The following SSC5D variants were observed in gnomAD, a reference collection of about 807,000 sequenced individuals.
SSC5D encodes soluble scavenger receptor cysteine-rich domain-containing protein SSC5D.
SSC5D carries 106 observed loss-of-function variants against 104.6 expected under a neutral mutation model. The observed-to-expected ratio is 1.01, with a 90% confidence interval of 0.87 to 1.19. SSC5D has a LOEUF of 1.19. Ranked by LOEUF, SSC5D falls within the 50% of genes most tolerant of loss-of-function variation. The pLI is 0.00. For missense variants in SSC5D, 1,993 were observed against 2,153.8 expected (o/e 0.93, Z 1.48); for synonymous variants, 860 against 883.5 (o/e 0.97, Z 0.47).
chr19:55,513,263 C>T, intron 13 of SSC5D, 91 bp downstream of exon 13: 2 of 1,287,526 alleles, frequency 1.6e-6, no homozygotes, highest in South Asian at 1.6e-5. Flanking sequence ...AACCCTTACC[C>T]CAGAAAGACT....
In SSC5D at chr19:55,491,025, C is replaced by A. The variant is rs202075384; in HGVS notation, c.840C>A (p.Ser280Arg). 2.9e-4 allele frequency: 453 copies of A among 1,550,224 alleles called. 2 individuals are homozygous for A. The highest frequency in any genetic ancestry group is 1.2e-3 in the Middle Eastern group (7 of 5,988). ...AGGCCCTCCGAGACTGCCCCCGAAG[C>A]CCCTGGGGCCGGAGCAACTGTGACC... is the stretch of plus-strand genomic sequence containing the variant. ...GEQALRDCPR[S>R]PWGRSNCDHS... Residue 280 changes from serine (S) to arginine (R), a missense_variant, in exon 6 of 14, where the codon AGC becomes AGA. Around this residue, in one of 6 missense-constraint regions of SSC5D, gnomAD observed 1,101 missense variants for 1,085.0 expected, o/e 1.01. Transcript: ENST00000389623.
At chr19:55,488,657 C>G (rs1987022368) in intron 1 of SSC5D, 43 bp downstream of exon 1, 2 of 1,528,712 alleles carry the variant, frequency 1.3e-6, no homozygotes, top group Non-Finnish European at 1.8e-6. Flanking sequence ...GGCCTAGGCC[C>G]CCACCTCTGA....
At chr19:55,498,296 C>A in intron 9 of SSC5D, 99 bp downstream of exon 9, 1 of 1,304,890 alleles carries the variant, frequency 7.7e-7, no homozygotes, top group Admixed American at 2.1e-5. Flanking sequence ...TTCCTAAGCC[C>A]CAGCCCTGTG....
At position 55,500,194 on chromosome 19, in the gene SSC5D, A is replaced by T. The variant is rs1410074208; in HGVS notation, c.2084A>T (p.His695Leu). 1.9e-6 allele frequency: 3 copies of T among 1,551,168 alleles called. No homozygotes were observed. Among genetic ancestry groups the T allele is most frequent in the Non-Finnish European group, 2.6e-6 (3 of 1,146,900 alleles). Reference sequence around the variant, plus strand: ...GAGGCCCCCCAGAGATGGACCTCTCACACCACTGCCACGCTGACCCCTCAG... The same window carrying T: ...GAGGCCCCCCAGAGATGGACCTCTCTCACCACTGCCACGCTGACCCCTCAG... Reference protein sequence around the residue: ...TTEAPQRWTSHTTATLTPQAP... With the variant: ...TTEAPQRWTSLTTATLTPQAP... The change falls in exon 10 of 14, where the codon CAC (histidine) becomes CTC (leucine). Residue 695 changes from histidine to leucine, a missense_variant. Physicochemically the swap from His to Leu is moderately conservative, Grantham distance 99. This residue lies in a region of SSC5D where 1,101 missense variants were observed against 1,085.0 expected (regional missense o/e 1.01). Transcript: ENST00000389623. The surrounding 1 kb of genome is among the most constrained non-coding windows in gnomAD (Gnocchi z 4.6).
chr19:55,490,326 C>A lies in SSC5D; in HGVS notation c.504C>A (p.Asn168Lys). 1.4e-6 allele frequency: 2 copies of A among 1,468,846 alleles called. No homozygotes were observed. The highest frequency in any genetic ancestry group is 1.9e-6 in the Non-Finnish European group (2 of 1,076,182). The allele number at this position is 1,468,846 out of a possible 1,614,324, so 91.0% of individuals were successfully genotyped here. A position where few individuals can be genotyped will look rare whatever the true frequency, so the allele number is the denominator to read the frequency against. ...HAPRPAGNPQNASRKKSPRPK... is the reference protein window; with the variant it reads ...HAPRPAGNPQKASRKKSPRPK... ...CCCGCCCAGCTGGGAACCCCCAGAA[C>A]GCCTCCCGGAAGAAGAGCCCCCGGC... is the stretch of plus-strand genomic sequence containing the variant. Residue 168 changes from asparagine (N) to lysine (K), a missense_variant, in exon 5 of 14, where the codon AAC becomes AAA. Physicochemically the swap from Asn to Lys is moderately conservative, Grantham distance 94. This residue lies in a region of SSC5D where 1,101 missense variants were observed against 1,085.0 expected (regional missense o/e 1.01). Coordinates refer to ENST00000389623, the MANE Select transcript of SSC5D (RefSeq NM_001144950.2).
In SSC5D at chr19:55,493,613, G is replaced by A. The variant is rs990320096; in HGVS notation, c.914G>A (p.Arg305His). The change falls in exon 7 of 14, where the codon CGC (arginine) becomes CAC (histidine). Residue 305 changes from arginine to histidine, a missense_variant. By Grantham distance (29) the Arg-to-His change is conservative (BLOSUM62 0). Transcript: ENST00000389623. ...LVCTGPAPRLRLADGPHGCAG... is the reference protein window; with the variant it reads ...LVCTGPAPRLHLADGPHGCAG... ...TATCCAGGCCCAGCACCTCGGCTGC[G>A]CCTGGCCGATGGCCCCCACGGGTGC... The A allele has an allele frequency of 1.1e-4, 155 of 1,467,318 alleles. No homozygotes were observed. Among genetic ancestry groups the A allele is most frequent in the Admixed American group, 1.8e-4 (7 of 37,914 alleles). The allele number at this position is 1,467,318 out of a possible 1,614,324, so 90.9% of individuals were successfully genotyped here.
chr19:55,519,029 C>G lies in SSC5D; in HGVS notation c.*31C>G, dbSNP rs1987963656. The G allele has an allele frequency of 6.6e-7, 1 of 1,514,406 alleles. No individual in the cohort carries two copies. The highest frequency in any genetic ancestry group is 8.8e-7 in the Non-Finnish European group (1 of 1,134,940). 93.8% of individuals were successfully genotyped at this position (1,514,406 alleles called of 1,614,324 possible). ...TCCAGGATTTGAGGGGCTTAAGACA[C>G]CCCCAACCAAAAAAAACAAAAACAA... On this transcript the variant is annotated 3_prime_UTR_variant, in exon 14 of 14. Coordinates refer to ENST00000389623, the MANE Select transcript of SSC5D (RefSeq NM_001144950.2).
At position 55,501,181 on chromosome 19, in the gene SSC5D, T is replaced by A; in HGVS notation, c.2765T>A (p.Ile922Lys). ...CGCCCGGGTAGCTCCTCCCCAGCAA[T>A]AAGGCGCCTGCCGGACACAGGTGAG... ...TRRPGSSSPA[I>K]RRLPDTGSKD... The change falls in exon 12 of 14, where the codon ATA becomes AAA. Residue 922 changes from isoleucine (I) to lysine (K), a missense_variant. Transcript: ENST00000389623. 6.5e-7 allele frequency: 1 copy of A among 1,537,300 alleles called. No individual in the cohort carries two copies. The highest frequency in any genetic ancestry group is 8.8e-7 in the Non-Finnish European group (1 of 1,140,962).
intron 13 of SSC5D, among the ~76,000 whole-genome samples, chr19:55,515,038 C>A (rs763099904): frequency 2.0e-5 from 3 of 152,112 alleles, no homozygotes; most frequent in African/African-American, 7.2e-5. Context: ...GGAAGGGATG[C>A]GCCTGAAAGA....
chr19:55,518,182 C>T lies in SSC5D; in HGVS notation c.3906C>T (p.Thr1302=). ...ACCCCACCACAACCCCTCACCCCAC[C>T]ATGACTCCTGACCCCACCACGACCC... ...TPHPTTTPHP[T]MTPDPTTTPY... The change falls in exon 14 of 14, where the codon ACC becomes ACT. Residue 1302 remains threonine (T), a synonymous_variant. Transcript: ENST00000389623. 6.9e-7 allele frequency: 1 copy of T among 1,451,334 alleles called. No homozygotes were observed. Among genetic ancestry groups the T allele is most frequent in the South Asian group, 1.3e-5 (1 of 79,366 alleles). 89.9% of individuals were successfully genotyped at this position (1,451,334 alleles called of 1,614,324 possible).
chr19:55,518,540 C>G lies in SSC5D; in HGVS notation c.4264C>G (p.Pro1422Ala). 1.3e-6 allele frequency: 2 copies of G among 1,549,524 alleles called. No homozygotes were observed. The highest frequency in any genetic ancestry group is 1.7e-6 in the Non-Finnish European group (2 of 1,146,416). ...PPRSQSPNLT[P>A]PPTHTPHSAS... ...CAGAAGCCAGAGCCCCAACCTAACC[C>G]CTCCACCCACCCATACCCCACACTC... Residue 1422 changes from proline to alanine, a missense_variant, in exon 14 of 14, where the codon CCT (proline) becomes GCT (alanine). Physicochemically the swap from Pro to Ala is conservative, Grantham distance 27. This residue lies in a region of SSC5D where 349 missense variants were observed against 397.6 expected (regional missense o/e 0.88). Coordinates refer to ENST00000389623, the MANE Select transcript of SSC5D (RefSeq NM_001144950.2).
intron 8 of SSC5D, among the ~76,000 whole-genome samples, chr19:55,497,013 G>T (rs1156918656): frequency 6.6e-6 from 1 of 152,216 alleles, no homozygotes; most frequent in Non-Finnish European, 1.5e-5. Flanking sequence ...GCCCGCCTGG[G>T]CCTCCCACAG....
At chr19:55,507,437 G>A in intron 12 of SSC5D, among the ~76,000 whole-genome samples, 1 of 142,268 alleles carries the variant, frequency 7.0e-6, no homozygotes, top group Non-Finnish European at 1.5e-5. Context: ...GGCTGAGGCA[G>A]GTGGATCACC....
Position 55,489,563 on chromosome 19 carries a change from G to T in SSC5D, c.262G>T (p.Ala88Ser), listed in dbSNP as rs1280518476. 2 of 1,507,366 alleles carry T rather than the reference G, an allele frequency of 1.3e-6. No individual in the cohort carries two copies. Among genetic ancestry groups the T allele is most frequent in the Non-Finnish European group, 8.8e-7 (1 of 1,132,276 alleles). The allele number at this position is 1,507,366 out of a possible 1,614,324, so 93.4% of individuals were successfully genotyped here. The change falls in exon 3 of 14, where the codon GCT becomes TCT. Residue 88 changes from alanine (A) to serine (S), a missense_variant. Ala to Ser is a moderately conservative substitution (Grantham distance 99, BLOSUM62 1). Around this residue, in one of 6 missense-constraint regions of SSC5D, gnomAD observed 1,101 missense variants for 1,085.0 expected, o/e 1.01. Coordinates refer to ENST00000389623, the MANE Select transcript of SSC5D (RefSeq NM_001144950.2). The stretch of plus-strand genomic sequence containing the variant: ...AGGGCCTGTGTGGCTCAGCGAGCTG[G>T]CTTGCCGGGGCAACGAGGGGCAGCT... ...GAGPVWLSEL[A>S]CRGNEGQLGL...
At position 55,489,049 on chromosome 19, in the gene SSC5D, C is replaced by T; in HGVS notation, c.52+17C>T. The T allele has an allele frequency of 1.4e-6, 2 of 1,421,512 alleles. No homozygotes were observed. Among genetic ancestry groups the T allele is most frequent in the Admixed American group, 3.0e-5 (1 of 33,472 alleles). The allele number at this position is 1,421,512 out of a possible 1,614,324, so 88.1% of individuals were successfully genotyped here. The stretch of plus-strand genomic sequence containing the variant: ...AGGCTGTTGGTAAGTGCCCAGACTC[C>T]TCCCATCTGCCCGCCCCCCCCCCCA... On this transcript the variant is annotated intron_variant, in intron 2 of 13. Coordinates refer to ENST00000389623, the MANE Select transcript of SSC5D (RefSeq NM_001144950.2).
At chr19:55,488,965 C>A in intron 1 of SSC5D, 41 bp from the exon 2 acceptor site, 2 of 1,505,976 alleles carry the variant, frequency 1.3e-6, no homozygotes, top group Non-Finnish European at 1.8e-6. Flanking sequence ...CCACCCCCGG[C>A]CTGCCCCTCA....
At position 55,497,871 on chromosome 19, in the gene SSC5D, C is replaced by T. The variant is rs1165733492; in HGVS notation, c.1388-9C>T. The T allele has an allele frequency of 4.6e-6, 7 of 1,523,348 alleles. No individual in the cohort carries two copies. The highest frequency in any genetic ancestry group is 5.3e-6 in the Non-Finnish European group (6 of 1,129,076). The allele number at this position is 1,523,348 out of a possible 1,614,324, so 94.4% of individuals were successfully genotyped here. A position where few individuals can be genotyped will look rare whatever the true frequency, so the allele number is the denominator to read the frequency against. On this transcript the variant is annotated splice_polypyrimidine_tract_variant and intron_variant, in intron 8 of 13. Transcript: ENST00000389623. The stretch of plus-strand genomic sequence containing the variant: ...CCGACTCTAATTCTTTGGGTCTCTT[C>T]TACCCCAGGGTCCCCCCAGCTGCGC...
intron 1 of SSC5D, 136 bp downstream of exon 1, chr19:55,488,750 G>A: frequency 2.4e-6 from 2 of 822,822 alleles, no homozygotes; most frequent in East Asian, 5.4e-5. Context: ...CCCTTCTGAG[G>A]ATCCCTGCTC....
Position 55,499,928 on chromosome 19 carries a change from A to G in SSC5D, c.1818A>G (p.Ala606=). 3 of 1,551,854 alleles carry G rather than the reference A, an allele frequency of 1.9e-6. No homozygotes were observed. The highest frequency in any genetic ancestry group is 2.6e-6 in the Non-Finnish European group (3 of 1,147,042). The change falls in exon 10 of 14, where the codon GCA becomes GCG. Residue 606 remains alanine, a synonymous_variant. Transcript: ENST00000389623. Reference sequence around the variant, plus strand: ...GAGAGCTGGCCACCAAGCCCTCTGCAAGTGTGACTGCCAGTGTTCTGGAGA... The same window carrying G: ...GAGAGCTGGCCACCAAGCCCTCTGCGAGTGTGACTGCCAGTGTTCTGGAGA... The part of the protein sequence containing the change: ...LPGELATKPS[A]SVTASVLEKT...
Sources: gnomAD v4.1 joint callset for allele counts (sites outside exome capture counted in the v4.1 genomes callset) on GRCh38, gnomAD v4.1.1 for gene constraint, gnomAD v4.1.1 regional missense constraint, Gnocchi (gnomAD v3.1) non-coding constraint, MANE v1.5 for transcripts, NCBI Gene and HGNC (gene_info 2026-07-23, HGNC 2026-07-21) for gene names.